The following CBX2 variants were observed in gnomAD, a reference collection of about 807,000 sequenced individuals.
CBX2 encodes chromobox protein homolog 2.
Under a neutral mutation model 21.0 loss-of-function variants are expected in CBX2, and 11 were observed. The observed-to-expected ratio is 0.52, with a 90% CI of 0.33 to 0.87. The LOEUF (loss-of-function observed/expected upper bound fraction) is 0.87. Ranked by LOEUF, CBX2 falls within the 40% of genes least tolerant of loss-of-function variation. The pLI is 0.02. For missense variants in CBX2, 746 were observed against 724.3 expected (o/e 1.03, Z -0.34); for synonymous variants, 364 against 304.6 (o/e 1.19, Z -2.03).
chr17:79,785,432 C>T lies in CBX2; in HGVS notation c.*390C>T, dbSNP rs1907571597. On this transcript the variant is annotated 3_prime_UTR_variant, in exon 5 of 5. Transcript: ENST00000310942. ...CGTGACTGAATCACAGCTTTGGTCC[C>T]TGTCTTGCAGGGGCTGAGGTGTCAG... 6.8e-6 allele frequency: 2 copies of T among 293,580 alleles called. No homozygotes were observed. Among genetic ancestry groups the T allele is most frequent in the Admixed American group, 4.5e-5 (1 of 22,230 alleles). 18.2% of individuals were successfully genotyped at this position (293,580 alleles called of 1,614,324 possible). A position where few individuals can be genotyped will look rare whatever the true frequency, so the allele number is the denominator to read the frequency against.
At position 79,787,479 on chromosome 17, in the gene CBX2, G is replaced by T. The variant is rs1295547154; in HGVS notation, c.*2437G>T. The T allele has an allele frequency of 6.5e-6, 1 of 152,688 alleles. No homozygotes were observed. Among genetic ancestry groups the T allele is most frequent in the African/African-American group, 2.4e-5 (1 of 41,454 alleles). The allele number at this position is 152,688 out of a possible 1,614,324, so 9.5% of individuals were successfully genotyped here. ...TCCTGGTGCTTCAAGAGCGTGTGCA[G>T]GGCAAGTGCCGTCACTGGGAACTGC... is the stretch of plus-strand genomic sequence containing the variant. On this transcript the variant is annotated 3_prime_UTR_variant, in exon 5 of 5. Coordinates refer to ENST00000310942, the MANE Select transcript of CBX2 (RefSeq NM_005189.3).
chr17:79,781,955 C>CCT, intron 4 of CBX2, 154 bp downstream of exon 4: 3 of 1,614,202 alleles, frequency 1.9e-6, no homozygotes, highest in East Asian at 4.5e-5. Flanking sequence ...CCCTTTCTTC[C>CCT]TGTCTCTCAG....
rs782705870 is a variant in CBX2 at position 79,785,026 on chromosome 17, A to G, written c.1583A>G (p.Asn528Ser). ...KESPTSVGFF[N>S]LRHY ...TCTCCCACCAGCGTGGGCTTCTTCA[A>G]CCTGAGGCATTACTGAAGCCCCGGC... Residue 528 changes from asparagine to serine, a missense_variant, in exon 5 of 5, where the codon AAC becomes AGC. Coordinates refer to ENST00000310942, the MANE Select transcript of CBX2 (RefSeq NM_005189.3). The G allele has an allele frequency of 4.4e-6, 7 of 1,600,744 alleles. No individual in the cohort carries two copies. The highest frequency in any genetic ancestry group is 2.7e-5 in the African/African-American group (2 of 75,026).
Position 79,787,545 on chromosome 17 carries a change from A to G in CBX2, c.*2503A>G, listed in dbSNP as rs1907722832. ...TTGGTTGTCTTATGTTTACCAATAA[A>G]TAAAAGTAGACTTTTTCTATTTTTA... is the stretch of plus-strand genomic sequence containing the variant. On this transcript the variant is annotated 3_prime_UTR_variant, in exon 5 of 5. Coordinates refer to ENST00000310942, the MANE Select transcript of CBX2 (RefSeq NM_005189.3). 1 of 152,626 alleles carries G rather than the reference A, an allele frequency of 6.6e-6. No homozygotes were observed. The highest frequency in any genetic ancestry group is 2.1e-4 in the South Asian group (1 of 4,832). The allele number at this position is 152,626 out of a possible 1,614,324, so 9.5% of individuals were successfully genotyped here.
intron 3 of CBX2, chr17:79,779,661 T>C (rs1907022042): frequency 1.7e-6 from 1 of 574,816 alleles, no homozygotes; most frequent in African/African-American, 1.9e-5. Flanking sequence ...CCTAAGTAAG[T>C]GCTGCTTTGG....
In CBX2 at chr17:79,784,572, G is replaced by A. The variant is rs782550309; in HGVS notation, c.1129G>A (p.Ala377Thr). 5.6e-6 allele frequency: 9 copies of A among 1,612,458 alleles called. No individual in the cohort carries two copies. Among genetic ancestry groups the A allele is most frequent in the Middle Eastern group, 3.3e-4 (2 of 6,080 alleles). ...GVGLLARHATATKGVPATNPA... is the reference protein window; with the variant it reads ...GVGLLARHATTTKGVPATNPA... ...GGGTCTCCTTGCCCGCCACGCCACCGCCACCAAGGGTGTCCCGGCCACCAA... is the reference window on the plus strand; with the variant it reads ...GGGTCTCCTTGCCCGCCACGCCACCACCACCAAGGGTGTCCCGGCCACCAA... Residue 377 changes from alanine to threonine, a missense_variant, in exon 5 of 5, where the codon GCC (alanine) becomes ACC (threonine). By Grantham distance (58) the Ala-to-Thr change is moderately conservative. Transcript: ENST00000310942. The surrounding 1 kb of genome is among the most constrained non-coding windows in gnomAD (Gnocchi z 5.9).
At chr17:79,780,307 C>T (rs1439457856) in intron 3 of CBX2, among the ~76,000 whole-genome samples, 2 of 152,222 alleles carry the variant, frequency 1.3e-5, no homozygotes, top group Admixed American at 6.5e-5. Flanking sequence ...GGTGCATTCC[C>T]TTTTTTCCAC....
Position 79,785,353 on chromosome 17 carries a change from G to A in CBX2, c.*311G>A, listed in dbSNP as rs782229193. 4.9e-5 allele frequency: 23 copies of A among 464,928 alleles called. No homozygotes were observed. The highest frequency in any genetic ancestry group is 7.8e-5 in the African/African-American group (4 of 51,214). The allele number at this position is 464,928 out of a possible 1,614,324, so 28.8% of individuals were successfully genotyped here. On this transcript the variant is annotated 3_prime_UTR_variant, in exon 5 of 5. Coordinates refer to ENST00000310942, the MANE Select transcript of CBX2 (RefSeq NM_005189.3). ...TCCAGGTGACTGTCTTGAACAGAGC[G>A]GGCTTCTTCATGGCTGCGTTGTTGC... is the stretch of plus-strand genomic sequence containing the variant.
Position 79,785,076 on chromosome 17 carries a change from C to T in CBX2, c.*34C>T, listed in dbSNP as rs1555831500. The stretch of plus-strand genomic sequence containing the variant: ...CGCCACCAGCTGCGCGGTCTTACTC[C>T]CCTTCCCTGCCTATGGTGTCGCTTG... On this transcript the variant is annotated 3_prime_UTR_variant, in exon 5 of 5. Coordinates refer to ENST00000310942, the MANE Select transcript of CBX2 (RefSeq NM_005189.3). 6.5e-7 allele frequency: 1 copy of T among 1,543,422 alleles called. No individual in the cohort carries two copies. The highest frequency in any genetic ancestry group is 1.1e-5 in the South Asian group (1 of 89,966).
upstream of CBX2, chr17:79,778,087 C>T (rs1442697760): frequency 1.8e-5 from 3 of 171,122 alleles, no homozygotes; most frequent in African/African-American, 2.5e-5. The surrounding 1 kb of genome is among the most constrained non-coding windows in gnomAD (Gnocchi z 4.8). Flanking sequence ...GGCGGCGGGC[C>T]GGGGCGCGGG....
intron 3 of CBX2, among the ~76,000 whole-genome samples, chr17:79,780,279 T>G (rs536217783): frequency 1.3e-5 from 2 of 152,372 alleles, no homozygotes; most frequent in East Asian, 3.9e-4. Context: ...CTGGACGGTT[T>G]GTTCTCTGGT....
rs1162080353 is a variant in CBX2 at position 79,781,821 on chromosome 17, A to ATGC, written c.288+23_288+25dup. 6.2e-7 allele frequency: 1 copy of ATGC among 1,613,778 alleles called. No individual in the cohort carries two copies. Among genetic ancestry groups the ATGC allele is most frequent in the Non-Finnish European group, 8.5e-7 (1 of 1,179,882 alleles). ...CTCAAGGTGGGTGGCTGCGCTGGGTATGCTGACCCCACCTCCCAGCACCCC... is the reference window on the plus strand; with the variant it reads ...CTCAAGGTGGGTGGCTGCGCTGGGTATGCTGCTGACCCCACCTCCCAGCACCCC... On this transcript the variant is annotated intron_variant, in intron 4 of 4. Coordinates refer to ENST00000310942, the MANE Select transcript of CBX2 (RefSeq NM_005189.3).
chr17:79,787,960 A>T lies in CBX2; in HGVS notation c.*2918A>T, dbSNP rs1480936484. ...TTTGTGTTTTTTAATTAAAAAAAAA[A>T]TCATTCATGTATGCCACTTCTAATT... On this transcript the variant is annotated 3_prime_UTR_variant, in exon 5 of 5. Coordinates refer to ENST00000310942, the MANE Select transcript of CBX2 (RefSeq NM_005189.3). The T allele has an allele frequency of 2.6e-5, 4 of 152,176 alleles. No individual in the cohort carries two copies. Among genetic ancestry groups the T allele is most frequent in the Non-Finnish European group, 5.9e-5 (4 of 68,040 alleles). The allele number at this position is 152,176 out of a possible 1,614,324, so 9.4% of individuals were successfully genotyped here.
Position 79,778,187 on chromosome 17 carries a change from G to A in CBX2, c.-49G>A, listed in dbSNP as rs1293902611. ...TGCCGGCGGGGCGCGCGGCGGTCCGGGCGGGTGACTGGCGGCGGGCGCCGC... is the reference window on the plus strand; with the variant it reads ...TGCCGGCGGGGCGCGCGGCGGTCCGAGCGGGTGACTGGCGGCGGGCGCCGC... On this transcript the variant is annotated 5_prime_UTR_variant, in exon 1 of 5. Coordinates refer to ENST00000310942, the MANE Select transcript of CBX2 (RefSeq NM_005189.3). The surrounding 1 kb of genome is among the most constrained non-coding windows in gnomAD (Gnocchi z 4.8). 10 of 1,173,116 alleles carry A rather than the reference G, an allele frequency of 8.5e-6. No individual in the cohort carries two copies. The highest frequency in any genetic ancestry group is 1.1e-5 in the Non-Finnish European group (10 of 929,478). 72.7% of individuals were successfully genotyped at this position (1,173,116 alleles called of 1,614,324 possible).
chr17:79,779,007 C>G (rs1420388565), intron 2 of CBX2, among the ~76,000 whole-genome samples: 1 of 152,156 alleles, frequency 6.6e-6, no homozygotes, highest in East Asian at 1.9e-4. Context: ...GACCTGCCTT[C>G]CCTTCCTCCT....
Position 79,784,210 on chromosome 17 carries a change from T to C in CBX2, c.767T>C (p.Ile256Thr). ...GRGGISWQSS[I>T]VHYMNRMTQS... Reference sequence around the variant, plus strand: ...GGTGGCATCAGCTGGCAGAGCTCCATCGTGCACTACATGAACCGGATGACC... The same window carrying C: ...GGTGGCATCAGCTGGCAGAGCTCCACCGTGCACTACATGAACCGGATGACC... The change falls in exon 5 of 5, where the codon ATC becomes ACC. Residue 256 changes from isoleucine to threonine, a missense_variant. Ile to Thr is a moderately conservative substitution (Grantham distance 89). This residue lies in a region of CBX2 where 701 missense variants were observed against 650.7 expected (regional missense o/e 1.08). Transcript: ENST00000310942. This position sits in a 1 kb window ranked among gnomAD's most constrained non-coding sequence, Gnocchi z 5.9. 6.2e-7 allele frequency: 1 copy of C among 1,612,754 alleles called. No individual in the cohort carries two copies. Among genetic ancestry groups the C allele is most frequent in the Non-Finnish European group, 8.5e-7 (1 of 1,179,906 alleles).
At position 79,781,730 on chromosome 17, in the gene CBX2, G is replaced by A. The variant is rs782353192; in HGVS notation, c.217G>A (p.Gly73Ser). The change falls in exon 4 of 5, where the codon GGC becomes AGC. Residue 73 changes from glycine to serine, a missense_variant. Physicochemically the swap from Gly to Ser is moderately conservative, Grantham distance 56. Coordinates refer to ENST00000310942, the MANE Select transcript of CBX2 (RefSeq NM_005189.3). ...GAAGGAGGTGCAGAACCGGAAGAGA[G>A]GCAAGAGGCCGAGAGGCCGGCCAAG... ...HEKEVQNRKR[G>S]KRPRGRPRKL... 1.4e-5 allele frequency: 22 copies of A among 1,613,976 alleles called. No homozygotes were observed. The highest frequency in any genetic ancestry group is 1.9e-5 in the Non-Finnish European group (22 of 1,180,044).
chr17:79,782,416 T>G, intron 4 of CBX2: 1 of 1,332,910 alleles, frequency 7.5e-7, no homozygotes, highest in Non-Finnish European at 9.7e-7. Flanking sequence ...GCCCCTGGGG[T>G]CCGTGGTAGG....
chr17:79,783,674 T>G (rs1441351965), intron 4 of CBX2, 58 bp from the exon 5 acceptor site: 23 of 1,460,358 alleles, frequency 1.6e-5, no homozygotes, highest in Non-Finnish European at 2.0e-5. Flanking sequence ...CCTCCCAAAG[T>G]GCTGGGATTA....
Sources: gnomAD v4.1 joint callset for allele counts (sites outside exome capture counted in the v4.1 genomes callset) on GRCh38, gnomAD v4.1.1 for gene constraint, gnomAD v4.1.1 regional missense constraint, Gnocchi (gnomAD v3.1) non-coding constraint, MANE v1.5 for transcripts, NCBI Gene and HGNC (gene_info 2026-07-23, HGNC 2026-07-21) for gene names.